NLRP3: variants seen among roughly 807,000 people sequenced by gnomAD.
NLRP3 encodes the protein NACHT, LRR and PYD domains-containing protein 3.
NLRP3 carries 48 observed loss-of-function variants against 91.3 expected under a neutral mutation model. The observed-to-expected ratio is 0.53, with a 90% CI of 0.42 to 0.67. The LOEUF (loss-of-function observed/expected upper bound fraction) is 0.67, where lower values mean the gene tolerates loss of function less well. Among genes scored for constraint, NLRP3 ranks in the 30% least tolerant of loss-of-function variants. The pLI is 0.00. For synonymous variants in NLRP3, 561 were observed against 507.9 expected (o/e 1.10, Z -1.41); for missense variants, 982 against 1,276.9 (o/e 0.77, Z 3.52).
intron 4 of NLRP3, among the ~76,000 whole-genome samples, chr1:247,426,907 A>G (rs1662928915): frequency 6.6e-6 from 1 of 152,156 alleles, no homozygotes; most frequent in Admixed American, 6.5e-5. Context: ...GTGTTGAGAG[A>G]GAGGGCAGGT....
At chr1:247,433,918 T>G in intron 5 of NLRP3, among the ~76,000 whole-genome samples, 185 bp from the exon 6 acceptor site, 1 of 122,796 alleles carries the variant, frequency 8.1e-6, no homozygotes, top group African/African-American at 3.4e-5. Flanking sequence ...CTTTCTCTAT[T>G]CCGGAGCTCT....
In NLRP3 at chr1:247,422,210, C is replaced by A. The variant is rs1254169804; in HGVS notation, c.278-1020C>A. Among the ~76,000 whole-genome samples, 5 of 152,076 alleles carry A rather than the reference C, an allele frequency of 3.3e-5. No individual in the cohort carries two copies. The East Asian group carries it at 9.7e-4, about 29-fold the overall frequency. On this transcript the variant is annotated intron_variant, in intron 2 of 9. Coordinates refer to ENST00000336119, the MANE Select transcript of NLRP3 (RefSeq NM_001243133.2). ...CCTGGGCAACATAGTGAGAACCTGT[C>A]TCTACAAAAAATGCAAACATTAGTT...
At chr1:247,431,400 C>T (rs924078782) in intron 5 of NLRP3, among the ~76,000 whole-genome samples, 12 of 152,188 alleles carry the variant, frequency 7.9e-5, no homozygotes, top group East Asian at 3.9e-4. Flanking sequence ...CCTCCCTCTC[C>T]GGCTCAACAC....
rs1230457200 is a variant in NLRP3 at position 247,445,318 on chromosome 1, G to A, written c.3005+497G>A. On this transcript the variant is annotated intron_variant, in intron 9 of 9. Transcript: ENST00000336119. The stretch of plus-strand genomic sequence containing the variant: ...CGGGTTCACGCCATTCTCCTGCCTC[G>A]GCCTCCCAAGTAGCTGGGACCACAG... Among the ~76,000 whole-genome samples the A allele has an allele frequency of 2.6e-5, 4 of 151,714 alleles. No individual in the cohort carries two copies. In the East Asian group the frequency reaches 5.8e-4, roughly 22 times the overall value.
rs867062949 is a variant in NLRP3, at chr1:247,434,139, C to T, written c.2358C>T (p.Phe786=). The change falls in exon 6 of 10, where the codon TTC becomes TTT. Residue 786 remains phenylalanine (F), a synonymous_variant. Transcript: ENST00000336119. ...GTGGCCTCTCGCATGAGTGCTGCTT[C>T]GACATCTCCTTGGTCCTCAGCAGCA... ...GRCGLSHECC[F]DISLVLSSNQ... is the part of the protein sequence containing the mutation. 3.7e-5 allele frequency: 60 copies of T among 1,607,752 alleles called. No individual in the cohort carries two copies. The Admixed American group carries it at 6.6e-4, about 18-fold the overall frequency.
At chr1:247,419,873 G>GA (rs1454352273) in intron 2 of NLRP3, among the ~76,000 whole-genome samples, 1 of 152,116 alleles carries the variant, frequency 6.6e-6, no homozygotes, top group Non-Finnish European at 1.5e-5. Context: ...ATGCTGTTAT[G>GA]AGTGTTGGTG....
intron 7 of NLRP3, among the ~76,000 whole-genome samples, chr1:247,441,141 TTCTTTCTCTC>T (rs1197496392): frequency 2.0e-5 from 2 of 102,544 alleles, no homozygotes; most frequent in African/African-American, 7.5e-5. Flanking sequence ...CTTTCTTTCT[TTCTTTCTCTC>T]TCTCTCTCTT....
chr1:247,436,285 G>A, intron 7 of NLRP3, 145 bp downstream of exon 7: 1 of 745,620 alleles, frequency 1.3e-6, no homozygotes, highest in Non-Finnish European at 2.3e-6. Flanking sequence ...TTGAAGGACT[G>A]GAGGCATATA....
intron 1 of NLRP3, among the ~76,000 whole-genome samples, chr1:247,417,085 G>A (rs912200485): frequency 1.3e-5 from 2 of 152,216 alleles, no homozygotes; most frequent in African/African-American, 2.4e-5. Flanking sequence ...GTCTAGTTGG[G>A]AAGACTATGT....
intron 5 of NLRP3, among the ~76,000 whole-genome samples, chr1:247,430,888 C>T (rs1663266924): frequency 1.3e-5 from 2 of 151,968 alleles, no homozygotes; most frequent in South Asian, 4.1e-4. Flanking sequence ...CACCTCAGCT[C>T]CCCCGAGTAG....
Position 247,429,571 on chromosome 1 carries a change from C to T in NLRP3, c.2151-14C>T. ...GCTGATTTCTTTTCTGTCTGTCTTC[C>T]TTCTAATTCCTAGATTGGTGAACAG... On this transcript the variant is annotated splice_polypyrimidine_tract_variant and intron_variant, in intron 4 of 9. Transcript: ENST00000336119. 6.2e-7 allele frequency: 1 copy of T among 1,614,056 alleles called. No individual in the cohort carries two copies. Among genetic ancestry groups the T allele is most frequent in the Non-Finnish European group, 8.5e-7 (1 of 1,179,908 alleles).
At chr1:247,427,318 CACAA>C (rs763295697) in intron 4 of NLRP3, among the ~76,000 whole-genome samples, 11 of 152,154 alleles carry the variant, frequency 7.2e-5, no homozygotes, top group Non-Finnish European at 1.5e-4. Context: ...TTTTGGGGCA[CACAA>C]ACATTCAGAC....
At chr1:247,427,985 G>A (rs113815112) in intron 4 of NLRP3, among the ~76,000 whole-genome samples, 6 of 119,256 alleles carry the variant, frequency 5.0e-5, no homozygotes, top group Admixed American at 8.2e-5. Context: ...TCTGATTGGA[G>A]CCCTGGCAGG....
chr1:247,448,797 A>G lies in NLRP3; in HGVS notation c.*293A>G, dbSNP rs895733868. The G allele has an allele frequency of 4.7e-6, 2 of 426,890 alleles. No homozygotes were observed. Among genetic ancestry groups the G allele is most frequent in the East Asian group, 4.2e-5 (1 of 23,882 alleles). 26.4% of individuals were successfully genotyped at this position (426,890 alleles called of 1,614,324 possible). A position where few individuals can be genotyped will look rare whatever the true frequency, so the allele number is the denominator to read the frequency against. On this transcript the variant is annotated 3_prime_UTR_variant, in exon 10 of 10. Coordinates refer to ENST00000336119, the MANE Select transcript of NLRP3 (RefSeq NM_001243133.2). ...TGACCTCATGTAATTAGCTCATTCA[A>G]TAAAGCACTTTCTTTATTTTTCTCT...
At chr1:247,419,731 T>C (rs988726554) in intron 2 of NLRP3, among the ~76,000 whole-genome samples, 2 of 152,240 alleles carry the variant, frequency 1.3e-5, no homozygotes, top group Non-Finnish European at 2.9e-5. Flanking sequence ...GGTTCAACTA[T>C]GTTGTAGCAT....
At position 247,425,409 on chromosome 1, in the gene NLRP3, A is replaced by G. The variant is rs2103113370; in HGVS notation, c.1960A>G (p.Asn654Asp). ...AMDYFPKIEI[N>D]LSTRMDHMVS... ...GGACTATTTCCCCAAGATTGAGATCAATCTCTCCACCAGAATGGACCACAT... is the reference window on the plus strand; with the variant it reads ...GGACTATTTCCCCAAGATTGAGATCGATCTCTCCACCAGAATGGACCACAT... Residue 654 changes from asparagine (N) to aspartate (D), a missense_variant, in exon 4 of 10, where the codon AAT (asparagine) becomes GAT (aspartate). Coordinates refer to ENST00000336119, the MANE Select transcript of NLRP3 (RefSeq NM_001243133.2). This position sits in a 1 kb window ranked among gnomAD's most constrained non-coding sequence, Gnocchi z 4.1. The G allele has an allele frequency of 1.2e-6, 2 of 1,614,232 alleles. No individual in the cohort carries two copies. The highest frequency in any genetic ancestry group is 1.7e-6 in the Non-Finnish European group (2 of 1,180,036).
At chr1:247,416,167 C>T (rs540627637), upstream of NLRP3, 1 of 152,602 alleles carries the variant, frequency 6.6e-6, no homozygotes, top group African/African-American at 2.4e-5. Flanking sequence ...CATTTCCTCT[C>T]TAGCTGTTCC....
intron 4 of NLRP3, among the ~76,000 whole-genome samples, chr1:247,426,241 G>C (rs1197110899): frequency 6.6e-6 from 1 of 152,180 alleles, no homozygotes; most frequent in East Asian, 1.9e-4. Context: ...CAGAAATGTG[G>C]AGACCCTCTT....
chr1:247,433,740 C>T (rs1447253249), intron 5 of NLRP3, among the ~76,000 whole-genome samples: 1 of 142,094 alleles, frequency 7.0e-6, no homozygotes, highest in African/African-American at 2.6e-5. Context: ...TGTCCTGATG[C>T]TTTCTCTATT....
Sources: gnomAD v4.1 joint callset for allele counts (sites outside exome capture counted in the v4.1 genomes callset) on GRCh38, gnomAD v4.1.1 for gene constraint, Gnocchi (gnomAD v3.1) non-coding constraint, MANE v1.5 for transcripts, NCBI Gene and HGNC (gene_info 2026-07-23, HGNC 2026-07-21) for gene names.